SFMBT1: variants seen among roughly 807,000 people sequenced by gnomAD.
SFMBT1 encodes scm-like with four MBT domains protein 1.
SFMBT1 carries 32 observed loss-of-function variants against 108.7 expected under a neutral mutation model. That is an observed-to-expected ratio of 0.29 (90% CI 0.22 to 0.40). The LOEUF (loss-of-function observed/expected upper bound fraction) is 0.40, where lower values mean the gene tolerates loss of function less well. Ranked by LOEUF, SFMBT1 falls within the 10% of genes least tolerant of loss-of-function variation. The probability of loss-of-function intolerance (pLI) is 1.00; values close to 1 mark genes in which losing one functional copy is unlikely to be tolerated. For synonymous variants in SFMBT1, 348 were observed against 369.5 expected, an observed-to-expected ratio of 0.94 and a Z score of 0.67; for missense variants, 816 against 1,059.6, an observed-to-expected ratio of 0.77 and a Z score of 3.19.
intron 8 of SFMBT1, among the ~76,000 whole-genome samples, chr3:52,929,054 C>A (rs192953648): frequency 3.3e-5 from 5 of 152,044 alleles, no homozygotes; most frequent in African/African-American, 1.2e-4. Context: ...TGAGTTCAAA[C>A]AGAGGTTAAA....
intron 4 of SFMBT1, among the ~76,000 whole-genome samples, chr3:52,936,841 G>C (rs1405977161): frequency 7.3e-5 from 11 of 150,866 alleles, no homozygotes; most frequent in Admixed American, 6.6e-4. Flanking sequence ...ATCCATCTAA[G>C]CTCTATTTCC....
intron 1 of SFMBT1, among the ~76,000 whole-genome samples, chr3:52,988,494 G>A (rs143139275): frequency 2.7e-4 from 41 of 152,278 alleles, no homozygotes; most frequent in African/African-American, 9.4e-4. Context: ...TATCCTCGGG[G>A]AAACACAATG....
At chr3:52,986,401 G>T (rs1704916219) in intron 1 of SFMBT1, among the ~76,000 whole-genome samples, 1 of 151,970 alleles carries the variant, frequency 6.6e-6, no homozygotes, top group African/African-American at 2.4e-5. Flanking sequence ...TAAACTTTTT[G>T]ATTTTTAAAA....
At chr3:52,918,553 G>A (rs1405075638) in intron 12 of SFMBT1, 27 bp from the exon 13 acceptor site, 22 of 1,430,484 alleles carry the variant, frequency 1.5e-5, no homozygotes, top group Non-Finnish European at 2.0e-5. Context: ...ATATATAAAT[G>A]CCAAGAAAAA....
intron 9 of SFMBT1, among the ~76,000 whole-genome samples, chr3:52,926,480 C>T (rs1702662794): frequency 6.6e-6 from 1 of 152,132 alleles, no homozygotes; most frequent in Non-Finnish European, 1.5e-5. Context: ...ATTGTCAATT[C>T]TAAAGGGACT....
At chr3:52,946,798 G>A (rs1196224848) in intron 3 of SFMBT1, among the ~76,000 whole-genome samples, 1 of 146,988 alleles carries the variant, frequency 6.8e-6, no homozygotes, top group Admixed American at 6.9e-5. Context: ...TTGAGACAGA[G>A]TCTTACTCTG....
chr3:53,014,332 C>T (rs1428913526), intron 1 of SFMBT1, among the ~76,000 whole-genome samples: 1 of 152,062 alleles, frequency 6.6e-6, no homozygotes, highest in Non-Finnish European at 1.5e-5. Context: ...AGGTGAGGCG[C>T]AGCGGCTCAT....
intron 1 of SFMBT1, among the ~76,000 whole-genome samples, chr3:53,036,542 G>A (rs750888108): frequency 6.6e-6 from 1 of 152,346 alleles, no homozygotes; most frequent in South Asian, 2.1e-4. Context: ...GAGGACTGGC[G>A]TCTTTGGGGT....
intron 1 of SFMBT1, among the ~76,000 whole-genome samples, chr3:52,985,881 G>A (rs1174074192): frequency 6.6e-6 from 1 of 152,096 alleles, no homozygotes; most frequent in African/African-American, 2.4e-5. Context: ...GGTGGCTCAC[G>A]CCTGTAATCC....
intron 1 of SFMBT1, among the ~76,000 whole-genome samples, chr3:53,040,114 C>T (rs111570268): frequency 1.3e-5 from 2 of 152,204 alleles, no homozygotes; most frequent in African/African-American, 4.8e-5. Flanking sequence ...AGAAAGAACA[C>T]TAGAAAAAAC....
At chr3:52,991,705 A>T (rs1193901078) in intron 1 of SFMBT1, among the ~76,000 whole-genome samples, 1 of 152,064 alleles carries the variant, frequency 6.6e-6, no homozygotes, top group Non-Finnish European at 1.5e-5. Context: ...TCAGGAAGCG[A>T]TTGGATCAAT....
intron 3 of SFMBT1, among the ~76,000 whole-genome samples, chr3:52,950,032 A>G (rs1703518113): frequency 6.6e-6 from 1 of 151,874 alleles, no homozygotes. Context: ...GTTGGGTCAT[A>G]TTTTTTGATC....
intron 4 of SFMBT1, among the ~76,000 whole-genome samples, chr3:52,942,057 A>G (rs1703200508): frequency 6.6e-6 from 1 of 152,166 alleles, no homozygotes; most frequent in African/African-American, 2.4e-5. Flanking sequence ...GTTGGAGACC[A>G]GTCTGGGTGA....
intron 1 of SFMBT1, among the ~76,000 whole-genome samples, chr3:53,017,098 T>A (rs1699150744): frequency 6.6e-6 from 1 of 152,190 alleles, no homozygotes; most frequent in Admixed American, 6.5e-5. Context: ...TTATATACAG[T>A]ATACAAATAT....
At chr3:52,956,709 C>T (rs1229038814) in intron 2 of SFMBT1, among the ~76,000 whole-genome samples, 3 of 151,434 alleles carry the variant, frequency 2.0e-5, no homozygotes, top group Non-Finnish European at 2.9e-5. Context: ...TGCCGTGAGC[C>T]GAGGTTGCGC....
intron 1 of SFMBT1, among the ~76,000 whole-genome samples, chr3:53,009,820 A>T (rs997341622): frequency 1.3e-5 from 2 of 152,264 alleles, no homozygotes; most frequent in African/African-American, 4.8e-5. Flanking sequence ...AGAAAACAAA[A>T]TATTAGAAAA....
chr3:52,953,539 C>T (rs777423731), intron 3 of SFMBT1, among the ~76,000 whole-genome samples: 1 of 152,030 alleles, frequency 6.6e-6, no homozygotes, highest in Non-Finnish European at 1.5e-5. Flanking sequence ...AATATGTTGT[C>T]ATTGACAAGG....
intron 1 of SFMBT1, among the ~76,000 whole-genome samples, chr3:53,032,203 C>T (rs1364167813): frequency 1.3e-5 from 2 of 152,136 alleles, no homozygotes; most frequent in African/African-American, 2.4e-5. Context: ...AACCCTATCT[C>T]TACTAAAAAT....
At chr3:52,975,351 G>A (rs72961752) in intron 1 of SFMBT1, among the ~76,000 whole-genome samples, 4,620 of 152,006 alleles carry the variant, frequency 0.03, 271 homozygotes, top group African/African-American at 0.11. Context: ...TGATTCTATG[G>A]TTGACCCAAT....
Sources: gnomAD v4.1 joint callset for allele counts (sites outside exome capture counted in the v4.1 genomes callset) on GRCh38, gnomAD v4.1.1 for gene constraint, MANE v1.5 for transcripts, NCBI Gene and HGNC (gene_info 2026-07-23, HGNC 2026-07-21) for gene names.